Variants in FER1L5 observed in about 807,000 individuals in gnomAD.
The protein encoded by FER1L5 is fer-1 like family member 5, also known as fer-1-like protein 5.
A neutral mutation model predicts 279.9 loss-of-function variants in FER1L5; 187 were observed. The ratio of observed to expected loss-of-function variants is 0.67; its 90% confidence interval spans 0.59 to 0.75. FER1L5 has a LOEUF of 0.75. Among genes scored for constraint, FER1L5 ranks in the 30% least tolerant of loss-of-function variants. The probability of loss-of-function intolerance (pLI) is 0.00; values close to 1 mark genes in which losing one functional copy is unlikely to be tolerated. For missense variants in FER1L5, 2,091 were observed against 2,594.4 expected (o/e 0.81, Z 4.21); for synonymous variants, 921 against 989.7 (o/e 0.93, Z 1.30).
rs557349792 is a variant in FER1L5, at chr2:96,694,530, C to G, written c.3741+66C>G. On this transcript the variant is annotated intron_variant, in intron 34 of 52. Coordinates refer to ENST00000624922, the MANE Select transcript of FER1L5 (RefSeq NM_001293083.2). The surrounding 1 kb of genome is among the most constrained non-coding windows in gnomAD (Gnocchi z 4.6). Reference sequence around the variant, plus strand: ...GGGGGTGGTCTGGAGTGCGCTGCAGCCTTCTGCTGGTCCTCCCTGACTACT... The same window carrying G: ...GGGGGTGGTCTGGAGTGCGCTGCAGGCTTCTGCTGGTCCTCCCTGACTACT... 1 of 1,281,096 alleles carries G rather than the reference C, an allele frequency of 7.8e-7. No individual in the cohort carries two copies. The highest frequency in any genetic ancestry group is 1.7e-5 in the South Asian group (1 of 58,448). The allele number at this position is 1,281,096 out of a possible 1,614,324, so 79.4% of individuals were successfully genotyped here.
intron 19 of FER1L5, among the ~76,000 whole-genome samples, chr2:96,678,025 CTTTA>C (rs1014790067): frequency 6.6e-6 from 1 of 151,828 alleles, no homozygotes; most frequent in African/African-American, 2.4e-5. Flanking sequence ...TATCATCTGT[CTTTA>C]TTTAGTATAG....
intron 1 of FER1L5, among the ~76,000 whole-genome samples, chr2:96,646,116 A>G (rs890525544): frequency 6.7e-6 from 1 of 148,944 alleles, no homozygotes; most frequent in East Asian, 2.0e-4. Context: ...CTCCTGCCTC[A>G]GCCTCCCAAG....
Position 96,702,215 on chromosome 2 carries a change from C to A in FER1L5, c.5160-91C>A, listed in dbSNP as rs1278962060. ...GAATTCCCCACACTGAGCAAAAACACACAGGGCAGCCTCCCAGGCTTCTCT... is the reference window on the plus strand; with the variant it reads ...GAATTCCCCACACTGAGCAAAAACAAACAGGGCAGCCTCCCAGGCTTCTCT... On this transcript the variant is annotated intron_variant, in intron 46 of 52. Coordinates refer to ENST00000624922, the MANE Select transcript of FER1L5 (RefSeq NM_001293083.2). This position sits in a 1 kb window ranked among gnomAD's most constrained non-coding sequence, Gnocchi z 4.0. The A allele has an allele frequency of 4.5e-6, 7 of 1,567,148 alleles. No homozygotes were observed. In the Admixed American group the frequency reaches 5.8e-5, roughly 13 times the overall value.
Position 96,689,396 on chromosome 2 carries a change from G to A in FER1L5, c.2525+20G>A. 6.5e-7 allele frequency: 1 copy of A among 1,545,392 alleles called. No individual in the cohort carries two copies. Among genetic ancestry groups the A allele is most frequent in the Non-Finnish European group, 8.7e-7 (1 of 1,145,582 alleles). On this transcript the variant is annotated intron_variant, in intron 25 of 52. Coordinates refer to ENST00000624922, the MANE Select transcript of FER1L5 (RefSeq NM_001293083.2). This position sits in a 1 kb window ranked among gnomAD's most constrained non-coding sequence, Gnocchi z 4.6. ...GAGAAGGTAAGGCCAGAGGGGGCAG[G>A]CCCCACCAGAGGGGACACTTCACCT...
Position 96,695,244 on chromosome 2 carries a change from T to C in FER1L5, c.3742-265T>C. On this transcript the variant is annotated intron_variant, in intron 34 of 52. Coordinates refer to ENST00000624922, the MANE Select transcript of FER1L5 (RefSeq NM_001293083.2). ...AATGCCTGCGGGCTATGGAGGTCAG[T>C]GGAGGATGCAGCCAGTGGCCAGAGG... The C allele has an allele frequency of 1.1e-5, 5 of 458,174 alleles. No individual in the cohort carries two copies. The South Asian group carries it at 1.7e-4, about 16-fold the overall frequency. 28.4% of individuals were successfully genotyped at this position (458,174 alleles called of 1,614,324 possible).
intron 9 of FER1L5, among the ~76,000 whole-genome samples, chr2:96,657,267 G>A (rs1353927188): frequency 6.6e-6 from 1 of 151,700 alleles, no homozygotes; most frequent in African/African-American, 2.4e-5. Context: ...TGGAGATGGG[G>A]TTTCACCATG....
At chr2:96,670,291 G>A in intron 18 of FER1L5, 44 bp downstream of exon 18, 1 of 1,547,528 alleles carries the variant, frequency 6.5e-7, no homozygotes, top group Non-Finnish European at 8.7e-7. Flanking sequence ...CAAGAGCCCT[G>A]TCTGCCCCGG....
At chr2:96,693,004 C>T (rs905298554) in intron 31 of FER1L5, among the ~76,000 whole-genome samples, 9 of 151,910 alleles carry the variant, frequency 5.9e-5, no homozygotes, top group African/African-American at 1.5e-4. Context: ...GGTGAAACCC[C>T]GTCTCTACTA....
At chr2:96,687,581 C>G (rs758225492) in intron 23 of FER1L5, 1 of 566,166 alleles carries the variant, frequency 1.8e-6, no homozygotes, top group Non-Finnish European at 3.1e-6. Flanking sequence ...CTGCTACTCC[C>G]TCTGTGAGGC....
chr2:96,679,560 C>G (rs1010122144), intron 19 of FER1L5, among the ~76,000 whole-genome samples: 1 of 152,210 alleles, frequency 6.6e-6, no homozygotes, highest in Non-Finnish European at 1.5e-5. Flanking sequence ...TTACACTTAT[C>G]TGTATGATTC....
In FER1L5 at chr2:96,694,173, C is replaced by G; in HGVS notation, c.3636+101C>G. On this transcript the variant is annotated intron_variant, in intron 33 of 52. Coordinates refer to ENST00000624922, the MANE Select transcript of FER1L5 (RefSeq NM_001293083.2). The surrounding 1 kb of genome is among the most constrained non-coding windows in gnomAD (Gnocchi z 4.6). ...CCAACTCCACCCTGTCAGGAAATGC[C>G]TGGGGCCCAGGATCCCGAGCTGTGG... is the stretch of plus-strand genomic sequence containing the variant. The G allele has an allele frequency of 2.8e-6, 4 of 1,439,720 alleles. No homozygotes were observed. The highest frequency in any genetic ancestry group is 2.5e-5 in the East Asian group (1 of 40,162). 89.2% of individuals were successfully genotyped at this position (1,439,720 alleles called of 1,614,324 possible).
In FER1L5 at chr2:96,667,369, C is replaced by T. The variant is rs548882903; in HGVS notation, c.1141-1382C>T. Among the ~76,000 whole-genome samples, 51 of 143,286 alleles carry T rather than the reference C, an allele frequency of 3.6e-4. No individual in the cohort carries two copies. In the South Asian group the frequency reaches 6.4e-3, roughly 18 times the overall value. 94.0% of individuals were successfully genotyped at this position (143,286 alleles called of 152,430 possible). On this transcript the variant is annotated intron_variant, in intron 14 of 52. Transcript: ENST00000624922. Reference sequence around the variant, plus strand: ...ATTCTTTTTTTTTTTTTTTTTGAGACGGAGTTTCGCTCTTGTTGCCTAGGC... The same window carrying T: ...ATTCTTTTTTTTTTTTTTTTTGAGATGGAGTTTCGCTCTTGTTGCCTAGGC...
rs368542157 is a variant in FER1L5, at chr2:96,660,386, T to A, written c.778+15T>A. The A allele has an allele frequency of 3.9e-6, 6 of 1,551,408 alleles. No individual in the cohort carries two copies. The African/African-American group carries it at 8.2e-5, about 21-fold the overall frequency. On this transcript the variant is annotated intron_variant, in intron 10 of 52. Coordinates refer to ENST00000624922, the MANE Select transcript of FER1L5 (RefSeq NM_001293083.2). The stretch of plus-strand genomic sequence containing the variant: ...CCATTCTCCAGGTAGGTAATACTTA[T>A]GGCAAATATGTATGTCTTCTGAGAA...
In FER1L5 at chr2:96,704,857, C is replaced by T. The variant is rs2077727155; in HGVS notation, c.*165C>T. The T allele has an allele frequency of 4.7e-6, 3 of 633,448 alleles. No individual in the cohort carries two copies. Among genetic ancestry groups the T allele is most frequent in the Non-Finnish European group, 8.2e-6 (3 of 367,494 alleles). The allele number at this position is 633,448 out of a possible 1,614,324, so 39.2% of individuals were successfully genotyped here. ...ACAAGACGAGCAGAGCTGTAATTTT[C>T]CACTGAAATAAACAAGTTCTATAAC... On this transcript the variant is annotated 3_prime_UTR_variant, in exon 53 of 53. Transcript: ENST00000624922.
At chr2:96,653,107 C>T (rs1374849874) in intron 7 of FER1L5, 1 of 160,014 alleles carries the variant, frequency 6.2e-6, no homozygotes, top group African/African-American at 2.4e-5. Context: ...ATCCCATCTA[C>T]TCAGGAGGCT....
intron 9 of FER1L5, among the ~76,000 whole-genome samples, chr2:96,656,321 T>A (rs1175059585): frequency 6.6e-6 from 1 of 152,246 alleles, no homozygotes; most frequent in Admixed American, 6.5e-5. Context: ...TTGTTTTACA[T>A]ATTTCTTTTA....
chr2:96,693,353 G>A (rs1007787669), intron 31 of FER1L5, among the ~76,000 whole-genome samples, 153 bp from the exon 32 acceptor site: 13 of 152,154 alleles, frequency 8.5e-5, no homozygotes, highest in Non-Finnish European at 1.8e-4. Context: ...CCGGTGCTCT[G>A]CAGCTGACTC....
At chr2:96,701,241 C>T (rs1460426075) in intron 45 of FER1L5, among the ~76,000 whole-genome samples, 1 of 152,210 alleles carries the variant, frequency 6.6e-6, no homozygotes, top group African/African-American at 2.4e-5. Flanking sequence ...GCCTGAGAGG[C>T]AGAGGCTGCA....
chr2:96,704,208 T>TGGG lies in FER1L5; in HGVS notation c.5802-5_5802-4insGGG, dbSNP rs776378237. On this transcript the variant is annotated splice_region_variant and splice_polypyrimidine_tract_variant and intron_variant, in intron 51 of 52. Transcript: ENST00000624922. Reference sequence around the variant, plus strand: ...CATTCTCTGACATCTCCCTGGCTCCTGGACAGACGCACCAACACCTCTTTC... The same window carrying TGGG: ...CATTCTCTGACATCTCCCTGGCTCCTGGGGGACAGACGCACCAACACCTCTTTC... 6.8e-6 allele frequency: 11 copies of TGGG among 1,613,744 alleles called. No homozygotes were observed. The highest frequency in any genetic ancestry group is 9.3e-6 in the Non-Finnish European group (11 of 1,179,848).
Sources: gnomAD v4.1 joint callset for allele counts (sites outside exome capture counted in the v4.1 genomes callset) on GRCh38, gnomAD v4.1.1 for gene constraint, Gnocchi (gnomAD v3.1) non-coding constraint, MANE v1.5 for transcripts, NCBI Gene and HGNC (gene_info 2026-07-23, HGNC 2026-07-21) for gene names.